Variants in COLEC10 observed in about 807,000 individuals in gnomAD.
The protein encoded by COLEC10 is collectin subfamily member 10, also known as collectin-10.
COLEC10 carries 22 observed loss-of-function variants against 28.4 expected under a neutral mutation model. The ratio of observed to expected loss-of-function variants is 0.78; its 90% CI spans 0.55 to 1.11. The LOEUF is 1.11. Ranked by LOEUF, COLEC10 falls within the 50% of genes least tolerant of loss-of-function variation. COLEC10 has a pLI of 0.00. For missense variants in COLEC10, 361 were observed against 344.1 expected (o/e 1.05, Z -0.39); for synonymous variants, 125 against 116.1 (o/e 1.08, Z -0.49).
At chr8:118,963,298 C>T in the COLEC10 span, among the ~76,000 whole-genome samples, 1 of 152,206 alleles carries the variant, frequency 6.6e-6, no homozygotes, top group East Asian at 1.9e-4. Flanking sequence ...GTTCACTCAA[C>T]AAATAATTAT....
Position 119,107,002 on chromosome 8 carries a change from T to A in COLEC10, c.*811T>A, listed in dbSNP as rs1232201934. Among the ~76,000 whole-genome samples the A allele has an allele frequency of 6.6e-6, 1 of 152,180 alleles. No homozygotes were observed. The highest frequency in any genetic ancestry group is 1.5e-5 in the Non-Finnish European group (1 of 68,036). The stretch of plus-strand genomic sequence containing the variant: ...TGTTCACAAACAATACTGGTTATAG[T>A]TCTCTTGCTAAATTGCCCACTGCTA... On this transcript the variant is annotated 3_prime_UTR_variant, in exon 6 of 6. Transcript: ENST00000332843.
chr8:119,102,322 T>G, intron 3 of COLEC10, 26 bp from the exon 4 acceptor site: 1 of 1,379,244 alleles, frequency 7.3e-7, no homozygotes. Context: ...TTTTATTTTA[T>G]TTTGGTTGCT....
chr8:118,975,088 A>G, the COLEC10 span, among the ~76,000 whole-genome samples: 2 of 152,098 alleles, frequency 1.3e-5, no homozygotes, highest in African/African-American at 4.8e-5. Context: ...AGAAATACAA[A>G]CAGGAAGTTA....
intron 1 of COLEC10, among the ~76,000 whole-genome samples, chr8:118,999,766 T>G (rs1364274921): frequency 2.6e-5 from 4 of 152,150 alleles, no homozygotes; most frequent in African/African-American, 9.7e-5. Context: ...GACAAAATAT[T>G]GACCATTTGC....
upstream of COLEC10, among the ~76,000 whole-genome samples, chr8:119,064,702 T>C (rs1019668822): frequency 5.9e-5 from 9 of 152,340 alleles, no homozygotes; most frequent in African/African-American, 1.9e-4. Context: ...TAAGTGTTTG[T>C]GAAAAATTAA....
In COLEC10 at chr8:119,104,608, T is replaced by C. The variant is rs77368442; in HGVS notation, c.442+713T>C. On this transcript the variant is annotated intron_variant, in intron 5 of 5. Coordinates refer to ENST00000332843, the MANE Select transcript of COLEC10 (RefSeq NM_006438.5). ...TAACTATTATAATTACAGTTAAAAT[T>C]GGTTTCTTTTTCTTATACTTTCATT... Among the ~76,000 whole-genome samples, 37 of 152,302 alleles carry C rather than the reference T, an allele frequency of 2.4e-4. No homozygotes were observed. The East Asian group carries it at 6.9e-3, about 29-fold the overall frequency.
At chr8:118,970,117 T>C in the COLEC10 span, among the ~76,000 whole-genome samples, 1 of 152,070 alleles carries the variant, frequency 6.6e-6, no homozygotes, top group East Asian at 1.9e-4. Flanking sequence ...TCAATGAGCA[T>C]TACCTATCAT....
chr8:119,103,781 A>G lies in COLEC10; in HGVS notation c.347-19A>G, dbSNP rs530889713. The G allele has an allele frequency of 4.7e-6, 7 of 1,500,708 alleles. No homozygotes were observed. In the Admixed American group the frequency reaches 1.0e-4, roughly 22 times the overall value. The allele number at this position is 1,500,708 out of a possible 1,614,324, so 93.0% of individuals were successfully genotyped here. ...TGCAGGTACTTCAACATGAATTCACAGTTTTTGTCATTTAAAAGGTACTGT... is the reference window on the plus strand; with the variant it reads ...TGCAGGTACTTCAACATGAATTCACGGTTTTTGTCATTTAAAAGGTACTGT... On this transcript the variant is annotated intron_variant, in intron 4 of 5. Coordinates refer to ENST00000332843, the MANE Select transcript of COLEC10 (RefSeq NM_006438.5).
chr8:119,038,344 C>G (rs1814429077), intron 2 of COLEC10, among the ~76,000 whole-genome samples: 1 of 152,194 alleles, frequency 6.6e-6, no homozygotes, highest in Non-Finnish European at 1.5e-5. Context: ...AGCCCATTCC[C>G]TTAAGAATAT....
the COLEC10 span, among the ~76,000 whole-genome samples, chr8:118,967,761 G>A: frequency 6.6e-6 from 1 of 151,876 alleles, no homozygotes; most frequent in Non-Finnish European, 1.5e-5. Flanking sequence ...GATCCATATG[G>A]GATTTTGTTT....
At chr8:119,063,731 CAA>C (rs60292327), upstream of COLEC10, among the ~76,000 whole-genome samples, 1 of 136,380 alleles carries the variant, frequency 7.3e-6, no homozygotes, top group Non-Finnish European at 1.6e-5. Context: ...ATTCAATTCA[CAA>C]AAAAAAAAAA....
chr8:118,970,262 G>A, the COLEC10 span, among the ~76,000 whole-genome samples: 1 of 151,990 alleles, frequency 6.6e-6, no homozygotes, highest in African/African-American at 2.4e-5. Context: ...AAAGAGGAAG[G>A]ACAAATCAGA....
At chr8:119,006,244 A>G (rs1245425596) in intron 1 of COLEC10, among the ~76,000 whole-genome samples, 2 of 152,066 alleles carry the variant, frequency 1.3e-5, no homozygotes, top group Non-Finnish European at 2.9e-5. Flanking sequence ...TGAGAATAGG[A>G]AGTATTGGAA....
intron 2 of COLEC10, among the ~76,000 whole-genome samples, chr8:119,018,117 C>G (rs1814026661): frequency 1.3e-5 from 2 of 152,188 alleles, no homozygotes; most frequent in Non-Finnish European, 2.9e-5. Flanking sequence ...CCTGTATTTC[C>G]TGCAAACTTC....
intron 2 of COLEC10, among the ~76,000 whole-genome samples, chr8:119,051,718 G>A (rs1264077574): frequency 6.6e-6 from 1 of 152,156 alleles, no homozygotes; most frequent in African/African-American, 2.4e-5. Flanking sequence ...TCATTTTGAA[G>A]GGTGATGACA....
intron 3 of COLEC10, among the ~76,000 whole-genome samples, chr8:119,092,447 C>T (rs988822380): frequency 6.6e-6 from 1 of 152,142 alleles, no homozygotes; most frequent in African/African-American, 2.4e-5. Context: ...AGCATTCCTT[C>T]CCTGTCCTCC....
the COLEC10 span, among the ~76,000 whole-genome samples, chr8:118,967,643 G>A: frequency 1.3e-5 from 2 of 152,070 alleles, no homozygotes; most frequent in Non-Finnish European, 2.9e-5. Flanking sequence ...ATTTCAGGCT[G>A]CTCAGAGGCT....
chr8:118,992,871 T>C (rs530349240), upstream of COLEC10, among the ~76,000 whole-genome samples: 81 of 152,324 alleles, frequency 5.3e-4, 1 homozygote, highest in South Asian at 3.7e-3. Flanking sequence ...TTGATTATTC[T>C]GGAAGCACTC....
chr8:118,969,693 CTTTTTTT>C, the COLEC10 span, among the ~76,000 whole-genome samples: 3 of 139,422 alleles, frequency 2.2e-5, no homozygotes, highest in African/African-American at 7.9e-5. Flanking sequence ...TTCTTTCTTT[CTTTTTTT>C]TTTTTTTTAA....
Sources: gnomAD v4.1 joint callset for allele counts (sites outside exome capture counted in the v4.1 genomes callset) on GRCh38, gnomAD v4.1.1 for gene constraint, MANE v1.5 for transcripts, NCBI Gene and HGNC (gene_info 2026-07-23, HGNC 2026-07-21) for gene names.